EIF4EBP2: variants seen among roughly 807,000 people sequenced by gnomAD.
The protein encoded by EIF4EBP2 is eukaryotic translation initiation factor 4E binding protein 2.
Under a neutral mutation model 10.3 loss-of-function variants are expected in EIF4EBP2, and 5 were observed. The ratio of observed to expected loss-of-function variants is 0.48; its 90% confidence interval spans 0.25 to 1.02. EIF4EBP2 has a LOEUF of 1.02. Among genes scored for constraint, EIF4EBP2 ranks in the 50% least tolerant of loss-of-function variants. The pLI is 0.15. For synonymous variants in EIF4EBP2, 67 were observed against 61.1 expected (o/e 1.10, Z -0.45); for missense variants, 188 against 162.2 (o/e 1.16, Z -0.86).
intron 1 of EIF4EBP2, among the ~76,000 whole-genome samples, chr10:70,404,810 C>A (rs896329518): frequency 5.9e-5 from 9 of 152,370 alleles, no homozygotes; most frequent in African/African-American, 2.2e-4. Flanking sequence ...GGCAGGCTTA[C>A]GCATTCGACC....
Position 70,420,285 on chromosome 10 carries a change from C to T in EIF4EBP2, c.331+186C>T, listed in dbSNP as rs145972191. ...CACAATCTCAGCACACTGCAACCTC[C>T]GCCTCCTGGGTTCAAGCGTTTCTCC... On this transcript the variant is annotated intron_variant, in intron 2 of 2. Transcript: ENST00000373218. Among the ~76,000 whole-genome samples, 970 of 152,142 alleles carry T rather than the reference C, an allele frequency of 6.4e-3. 7 individuals carry two copies. Among genetic ancestry groups the T allele is most frequent in the South Asian group, 0.029 (142 of 4,816 alleles).
In EIF4EBP2 at chr10:70,427,910, C is replaced by G. The variant is rs1386436856; in HGVS notation, c.*6163C>G. 6.7e-6 allele frequency: 1 copy of G among 148,892 alleles called. No homozygotes were observed. Among genetic ancestry groups the G allele is most frequent in the Non-Finnish European group, 1.5e-5 (1 of 66,954 alleles). The allele number at this position is 148,892 out of a possible 1,614,324, so 9.2% of individuals were successfully genotyped here. On this transcript the variant is annotated 3_prime_UTR_variant, in exon 3 of 3. Coordinates refer to ENST00000373218, the MANE Select transcript of EIF4EBP2 (RefSeq NM_004096.5). The stretch of plus-strand genomic sequence containing the variant: ...CTTAGAAAATTCCATGAATCTAGCA[C>G]AAAATATCCATTCTTGCCCAAGTGT...
chr10:70,410,542 C>T (rs917346607), intron 1 of EIF4EBP2, among the ~76,000 whole-genome samples: 3 of 152,236 alleles, frequency 2.0e-5, no homozygotes, highest in African/African-American at 4.8e-5. Context: ...TCTGTCTCTT[C>T]ATCCAGAGTC....
intron 2 of EIF4EBP2, among the ~76,000 whole-genome samples, 200 bp from the exon 3 acceptor site, chr10:70,421,516 T>A (rs1845157171): frequency 6.6e-6 from 1 of 152,096 alleles, no homozygotes; most frequent in Admixed American, 6.5e-5. Flanking sequence ...CCCCAAAACT[T>A]CTCCCCATGG....
intron 1 of EIF4EBP2, among the ~76,000 whole-genome samples, chr10:70,417,921 AT>A (rs1845114375): frequency 6.6e-6 from 1 of 152,128 alleles, no homozygotes; most frequent in African/African-American, 2.4e-5. Context: ...ATTTGCCCTT[AT>A]TTTACATAGC....
intron 1 of EIF4EBP2, among the ~76,000 whole-genome samples, chr10:70,410,961 A>G (rs1255059081): frequency 1.3e-5 from 2 of 152,160 alleles, no homozygotes; most frequent in Non-Finnish European, 2.9e-5. Context: ...CTGCTGCCCT[A>G]GCAGTGTTGG....
At chr10:70,413,290 T>C (rs1845062561) in intron 1 of EIF4EBP2, among the ~76,000 whole-genome samples, 1 of 152,186 alleles carries the variant, frequency 6.6e-6, no homozygotes, top group Admixed American at 6.5e-5. Context: ...CCTGTCCTCC[T>C]GCCTTTACTT....
Position 70,404,512 on chromosome 10 carries a change from G to T in EIF4EBP2, c.111G>T (p.Thr37=), listed in dbSNP as rs774923743. The T allele has an allele frequency of 1.9e-6, 3 of 1,590,950 alleles. No homozygotes were observed. The highest frequency in any genetic ancestry group is 1.7e-6 in the Non-Finnish European group (2 of 1,171,822). The change falls in exon 1 of 3, where the codon ACG becomes ACT. Residue 37 remains threonine (T), a synonymous_variant. Coordinates refer to ENST00000373218, the MANE Select transcript of EIF4EBP2 (RefSeq NM_004096.5). ...AAQLPHDYCT[T]PGGTLFSTTP... is the part of the protein sequence containing the mutation. ...AGCTACCTCATGACTATTGCACCAC[G>T]CCCGGGGGGACGCTCTTCTCCACCA...
In EIF4EBP2 at chr10:70,404,266, G is replaced by T. The variant is rs1334751870; in HGVS notation, c.-136G>T. 8.6e-6 allele frequency: 10 copies of T among 1,157,536 alleles called. No homozygotes were observed. Among genetic ancestry groups the T allele is most frequent in the Non-Finnish European group, 1.1e-5 (10 of 879,696 alleles). The allele number at this position is 1,157,536 out of a possible 1,614,324, so 71.7% of individuals were successfully genotyped here. On this transcript the variant is annotated 5_prime_UTR_variant, in exon 1 of 3. Coordinates refer to ENST00000373218, the MANE Select transcript of EIF4EBP2 (RefSeq NM_004096.5). ...GAGAGGGCGGCGGCGGGAGCGGAGC[G>T]GGACGAGGGAACGGGAGGAAGCGAG...
chr10:70,421,127 G>A (rs1440148245), intron 2 of EIF4EBP2, among the ~76,000 whole-genome samples: 1 of 152,120 alleles, frequency 6.6e-6, no homozygotes, highest in African/African-American at 2.4e-5. Context: ...TCTTTTATAT[G>A]GTGTGAGGAA....
In EIF4EBP2 at chr10:70,424,123, A is replaced by G. The variant is rs988874562; in HGVS notation, c.*2376A>G. 2.6e-5 allele frequency: 4 copies of G among 152,138 alleles called. No homozygotes were observed. Among genetic ancestry groups the G allele is most frequent in the African/African-American group, 4.8e-5 (2 of 41,430 alleles). The allele number at this position is 152,138 out of a possible 1,614,324, so 9.4% of individuals were successfully genotyped here. A position where few individuals can be genotyped will look rare whatever the true frequency, so the allele number is the denominator to read the frequency against. ...TGAACTCTTCTTGATCTTTATTGCT[A>G]TGTGTGAAAACTTGGCTTCCTCACT... On this transcript the variant is annotated 3_prime_UTR_variant, in exon 3 of 3. Coordinates refer to ENST00000373218, the MANE Select transcript of EIF4EBP2 (RefSeq NM_004096.5).
rs901861563 is a variant in EIF4EBP2 at position 70,404,155 on chromosome 10, G to A, written c.-247G>A. 3.3e-5 allele frequency among the ~76,000 whole-genome samples: 5 copies of A among 152,196 alleles called. No individual in the cohort carries two copies. Among genetic ancestry groups the A allele is most frequent in the East Asian group, 1.9e-4 (1 of 5,186 alleles). ...CTCCCGCCTTCGCCCGCTTCCGGTC[G>A]TCGTCGTCGCCGCTGCTGCCGCTGC... On this transcript the variant is annotated 5_prime_UTR_variant, in exon 1 of 3. Coordinates refer to ENST00000373218, the MANE Select transcript of EIF4EBP2 (RefSeq NM_004096.5).
chr10:70,410,676 C>A (rs1164007226), intron 1 of EIF4EBP2, among the ~76,000 whole-genome samples: 1 of 152,236 alleles, frequency 6.6e-6, no homozygotes. Flanking sequence ...AAAACACTTT[C>A]TTTGTTAAGT....
Position 70,420,096 on chromosome 10 carries a change from G to A in EIF4EBP2, c.328G>A (p.Val110Ile). ...GAACAATCACGACAGGAAACATGCA[G>A]TTGGTAAGAGAATGGCGATGTTGGA... ...NLNNHDRKHA[V>I]GDDAQFEMDI Residue 110 changes from valine to isoleucine, a missense_variant, in exon 2 of 3, where the codon GTT becomes ATT. Transcript: ENST00000373218. 6.3e-7 allele frequency: 1 copy of A among 1,599,458 alleles called. No homozygotes were observed. The highest frequency in any genetic ancestry group is 8.5e-7 in the Non-Finnish European group (1 of 1,174,084).
chr10:70,423,535 T>G lies in EIF4EBP2; in HGVS notation c.*1788T>G, dbSNP rs1437632582. 1 of 152,398 alleles carries G rather than the reference T, an allele frequency of 6.6e-6. No homozygotes were observed. Among genetic ancestry groups the G allele is most frequent in the Admixed American group, 6.5e-5 (1 of 15,278 alleles). 9.4% of individuals were successfully genotyped at this position (152,398 alleles called of 1,614,324 possible). On this transcript the variant is annotated 3_prime_UTR_variant, in exon 3 of 3. Transcript: ENST00000373218. ...CATAGTTAAGTAGCCACTGGTGTCCTGGGAATTTCTGGTTGGATTTGGTGC... is the reference window on the plus strand; with the variant it reads ...CATAGTTAAGTAGCCACTGGTGTCCGGGGAATTTCTGGTTGGATTTGGTGC...
At chr10:70,410,356 C>T (rs543719869) in intron 1 of EIF4EBP2, among the ~76,000 whole-genome samples, 3 of 152,306 alleles carry the variant, frequency 2.0e-5, no homozygotes, top group East Asian at 1.9e-4. Context: ...ACCACCATGC[C>T]CAGCCCTGTT....
At chr10:70,420,772 A>G (rs1032386924) in intron 2 of EIF4EBP2, among the ~76,000 whole-genome samples, 1 of 152,082 alleles carries the variant, frequency 6.6e-6, no homozygotes, top group African/African-American at 2.4e-5. Flanking sequence ...CATCACCCTC[A>G]GGCAAATAGA....
At chr10:70,419,840 T>A (rs1230305739) in intron 1 of EIF4EBP2, 74 bp from the exon 2 acceptor site, 1 of 1,099,818 alleles carries the variant, frequency 9.1e-7, no homozygotes, top group East Asian at 2.7e-5. Context: ...GGGATTTAAA[T>A]TAAATTCCTG....
At chr10:70,407,158 G>A (rs1452937327) in intron 1 of EIF4EBP2, among the ~76,000 whole-genome samples, 8 of 146,618 alleles carry the variant, frequency 5.5e-5, no homozygotes, top group South Asian at 2.1e-4. Flanking sequence ...GGTGTTTCTC[G>A]CAGAGGGGGA....
Sources: gnomAD v4.1 joint callset for allele counts (sites outside exome capture counted in the v4.1 genomes callset) on GRCh38, gnomAD v4.1.1 for gene constraint, MANE v1.5 for transcripts, NCBI Gene and HGNC (gene_info 2026-07-23, HGNC 2026-07-21) for gene names.